The following RAB38 variants were observed in gnomAD, a reference collection of about 807,000 sequenced individuals.
The protein encoded by RAB38 is ras-related protein Rab-38.
A neutral mutation model predicts 18.4 loss-of-function variants in RAB38; 15 were observed. The observed-to-expected ratio is 0.82, with a 90% CI of 0.55 to 1.26. The LOEUF is 1.26. RAB38 is among the 50% of genes most tolerant of loss of function. RAB38 has a pLI of 0.00. For missense variants in RAB38, 294 were observed against 267.4 expected, an observed-to-expected ratio of 1.10 and a Z score of -0.69; for synonymous variants, 101 against 104.4, an observed-to-expected ratio of 0.97 and a Z score of 0.20.
chr11:88,169,356 C>A (rs1402235604), intron 1 of RAB38, among the ~76,000 whole-genome samples: 1 of 152,086 alleles, frequency 6.6e-6, no homozygotes, highest in Non-Finnish European at 1.5e-5. Flanking sequence ...TCTTGTTTTT[C>A]TTTTCTGTTT....
At chr11:87,910,640 T>C in the RAB38 span, among the ~76,000 whole-genome samples, 2 of 18,300 alleles carry the variant, frequency 1.1e-4, no homozygotes, top group African/African-American at 1.6e-4. Flanking sequence ...TTTCTTTTTT[T>C]TTTTTTTTTT....
chr11:88,017,269 G>A, the RAB38 span, among the ~76,000 whole-genome samples: 53 of 152,094 alleles, frequency 3.5e-4, no homozygotes, highest in African/African-American at 1.1e-3. Context: ...GTACCTATGT[G>A]CATAAATGTA....
At chr11:88,125,300 C>T (rs931212560) in intron 2 of RAB38, among the ~76,000 whole-genome samples, 3 of 152,142 alleles carry the variant, frequency 2.0e-5, no homozygotes, top group Non-Finnish European at 4.4e-5. Context: ...AGATTCCAAC[C>T]GAACTAGACC....
the RAB38 span, among the ~76,000 whole-genome samples, chr11:88,048,433 A>C: frequency 6.6e-6 from 1 of 152,312 alleles, no homozygotes; most frequent in South Asian, 2.1e-4. Context: ...AATCTTCAGG[A>C]AAGGCAGAAC....
At chr11:88,022,187 G>C in the RAB38 span, among the ~76,000 whole-genome samples, 1 of 151,784 alleles carries the variant, frequency 6.6e-6, no homozygotes, top group African/African-American at 2.4e-5. Flanking sequence ...AGGATGGCTC[G>C]ACATGCAAAT....
the RAB38 span, among the ~76,000 whole-genome samples, chr11:88,066,348 G>T: frequency 6.6e-6 from 1 of 151,998 alleles, no homozygotes; most frequent in Non-Finnish European, 1.5e-5. Context: ...ATATATCCTG[G>T]GTCTCATCAC....
At chr11:87,965,608 C>CCTTAATACTTCTT in the RAB38 span, among the ~76,000 whole-genome samples, 1 of 152,012 alleles carries the variant, frequency 6.6e-6, no homozygotes, top group Admixed American at 6.6e-5. Flanking sequence ...AAGTTTTTAC[C>CCTTAATACTTCTT]AAGAAGTATT....
chr11:87,977,500 T>C, the RAB38 span, among the ~76,000 whole-genome samples: 2,985 of 88,220 alleles, frequency 0.034, 266 homozygotes, highest in South Asian at 0.075. Context: ...AATATAATTT[T>C]ATATGATTAT....
At chr11:87,942,204 T>C in the RAB38 span, among the ~76,000 whole-genome samples, 1 of 152,076 alleles carries the variant, frequency 6.6e-6, no homozygotes, top group African/African-American at 2.4e-5. Flanking sequence ...TAAAAGAAAA[T>C]CACCCAGGGA....
chr11:87,907,793 G>GT, the RAB38 span, among the ~76,000 whole-genome samples: 1 of 151,472 alleles, frequency 6.6e-6, no homozygotes, highest in Non-Finnish European at 1.5e-5. Flanking sequence ...CCAATAATAT[G>GT]TTTTCATTTT....
the RAB38 span, among the ~76,000 whole-genome samples, chr11:88,004,027 T>G: frequency 7.1e-6 from 1 of 139,904 alleles, no homozygotes; most frequent in Non-Finnish European, 1.5e-5. Context: ...CCTTCTCTTC[T>G]ATTTTATATA....
the RAB38 span, among the ~76,000 whole-genome samples, chr11:87,937,349 T>TATATATATA: frequency 8.5e-6 from 1 of 117,290 alleles, no homozygotes; most frequent in African/African-American, 2.8e-5. Context: ...TATATATATA[T>TATATATATA]ATCATAATTC....
chr11:87,939,978 C>CA, the RAB38 span, among the ~76,000 whole-genome samples: 2 of 150,678 alleles, frequency 1.3e-5, no homozygotes, highest in African/African-American at 2.4e-5. Flanking sequence ...AAATTAAATC[C>CA]AAAAAAGAAA....
chr11:87,905,170 A>G, the RAB38 span, among the ~76,000 whole-genome samples: 1 of 151,644 alleles, frequency 6.6e-6, no homozygotes, highest in Non-Finnish European at 1.5e-5. Flanking sequence ...CCAACTGATG[A>G]ATTTGTTATT....
chr11:87,862,654 C>T, the RAB38 span, among the ~76,000 whole-genome samples: 1 of 151,718 alleles, frequency 6.6e-6, no homozygotes, highest in Non-Finnish European at 1.5e-5. Context: ...TACCCCTGAA[C>T]TTAAACAAAA....
At chr11:88,036,574 T>C in the RAB38 span, among the ~76,000 whole-genome samples, 30 of 152,156 alleles carry the variant, frequency 2.0e-4, no homozygotes, top group East Asian at 5.6e-3. Flanking sequence ...GTGCATTTCC[T>C]TTTTTCTTAG....
At chr11:88,039,429 T>C in the RAB38 span, among the ~76,000 whole-genome samples, 1 of 152,082 alleles carries the variant, frequency 6.6e-6, no homozygotes, top group East Asian at 1.9e-4. Context: ...CTTAACAGGT[T>C]CCTTAGGCCA....
chr11:87,964,639 G>C, the RAB38 span, among the ~76,000 whole-genome samples: 183 of 152,106 alleles, frequency 1.2e-3, no homozygotes, highest in African/African-American at 4.2e-3. Context: ...AATACATCTT[G>C]CATATGGTAT....
intron 2 of RAB38, among the ~76,000 whole-genome samples, chr11:88,125,555 G>T (rs573705694): frequency 6.6e-6 from 1 of 152,072 alleles, no homozygotes; most frequent in Non-Finnish European, 1.5e-5. Flanking sequence ...GGGAAAAGGT[G>T]CCATAGAAAG....
Sources: allele counts gnomAD v4.1 joint callset (sites outside exome capture counted in the v4.1 genomes callset), GRCh38; gene constraint gnomAD v4.1.1; transcripts MANE v1.5; gene names NCBI Gene and HGNC (gene_info 2026-07-23, HGNC 2026-07-21).